The following CAP2 variants were observed in gnomAD, a reference collection of about 807,000 sequenced individuals.
The protein encoded by CAP2 is cyclase associated actin cytoskeleton regulatory protein 2, also known as adenylyl cyclase-associated protein 2.
A neutral mutation model predicts 57.7 loss-of-function variants in CAP2; 24 were observed. That is an observed-to-expected ratio of 0.42 (90% CI 0.30 to 0.58). The LOEUF (loss-of-function observed/expected upper bound fraction) is 0.58, where lower values mean the gene tolerates loss of function less well. CAP2 is among the 20% of genes least tolerant of loss of function. The probability of loss-of-function intolerance (pLI) is 0.22; values close to 1 mark genes in which losing one functional copy is unlikely to be tolerated. For missense variants in CAP2, 501 were observed against 590.3 expected (o/e 0.85, Z 1.57); for synonymous variants, 194 against 207.2 (o/e 0.94, Z 0.55).
chr6:17,407,236 G>A (rs890859144), intron 1 of CAP2, among the ~76,000 whole-genome samples: 3 of 152,032 alleles, frequency 2.0e-5, no homozygotes, highest in African/African-American at 4.8e-5. Context: ...TGGGCTCCCA[G>A]GTTCAAAGAG....
chr6:17,504,385 T>A (rs1453464063), intron 4 of CAP2, among the ~76,000 whole-genome samples: 1 of 152,212 alleles, frequency 6.6e-6, no homozygotes, highest in Admixed American at 6.5e-5. Flanking sequence ...GGAGCAAGGA[T>A]TTGAACCCAA....
intron 7 of CAP2, among the ~76,000 whole-genome samples, chr6:17,532,853 C>T (rs1213958442): frequency 2.0e-5 from 3 of 151,616 alleles, no homozygotes; most frequent in African/African-American, 7.3e-5. Flanking sequence ...CACCTGAGGT[C>T]GGGAGTTCAA....
chr6:17,529,330 G>A (rs1338126972), intron 7 of CAP2, among the ~76,000 whole-genome samples: 1 of 151,974 alleles, frequency 6.6e-6, no homozygotes. Flanking sequence ...AAAGAAATTA[G>A]TTTTGACATT....
At chr6:17,545,120 G>C in intron 11 of CAP2, among the ~76,000 whole-genome samples, 1 of 152,184 alleles carries the variant, frequency 6.6e-6, no homozygotes, top group East Asian at 1.9e-4. Flanking sequence ...CAGCAGTGAA[G>C]TAATATTTGA....
chr6:17,407,143 C>A (rs1759000062), intron 1 of CAP2, among the ~76,000 whole-genome samples: 2 of 152,304 alleles, frequency 1.3e-5, no homozygotes, highest in East Asian at 3.9e-4. Flanking sequence ...GAAGCTTTCT[C>A]TTGTTTCCTT....
At chr6:17,395,755 A>G (rs1426592301) in intron 1 of CAP2, among the ~76,000 whole-genome samples, 1 of 152,196 alleles carries the variant, frequency 6.6e-6, no homozygotes, top group Non-Finnish European at 1.5e-5. Context: ...ATATGTAAAA[A>G]TAATACGCTA....
chr6:17,394,920 T>C (rs1245924125), intron 1 of CAP2, among the ~76,000 whole-genome samples: 1 of 152,196 alleles, frequency 6.6e-6, no homozygotes, highest in Non-Finnish European at 1.5e-5. Flanking sequence ...GTGTGTGAAA[T>C]AGTTAATTCA....
intron 4 of CAP2, among the ~76,000 whole-genome samples, chr6:17,500,368 T>TATATATATATATTTGGAG (rs1554127289): frequency 6.6e-5 from 7 of 105,340 alleles, no homozygotes; most frequent in African/African-American, 2.0e-4. Flanking sequence ...TATATATATA[T>TATATATATATATTTGGAG]ATATATATAT....
chr6:17,416,561 C>G (rs1204736433), intron 1 of CAP2, among the ~76,000 whole-genome samples: 1 of 152,052 alleles, frequency 6.6e-6, no homozygotes, highest in Non-Finnish European at 1.5e-5. Flanking sequence ...GAGGACTGGG[C>G]AAGCAAAAAG....
At chr6:17,503,622 A>G (rs990395753) in intron 4 of CAP2, among the ~76,000 whole-genome samples, 1 of 151,732 alleles carries the variant, frequency 6.6e-6, no homozygotes, top group Admixed American at 6.6e-5. Flanking sequence ...AAAAAAAAAA[A>G]AAAGACACCA....
intron 3 of CAP2, among the ~76,000 whole-genome samples, chr6:17,433,354 C>T (rs990002718): frequency 2.6e-5 from 4 of 152,348 alleles, no homozygotes; most frequent in African/African-American, 7.2e-5. Context: ...CTGTAGGCCT[C>T]CACGTTTCTG....
At chr6:17,460,102 A>C (rs1192251236) in intron 3 of CAP2, among the ~76,000 whole-genome samples, 1 of 152,222 alleles carries the variant, frequency 6.6e-6, no homozygotes, top group Non-Finnish European at 1.5e-5. Context: ...AGAATAAGTC[A>C]ATTTCCTACA....
intron 7 of CAP2, among the ~76,000 whole-genome samples, chr6:17,536,693 T>C (rs1454789670): frequency 6.6e-6 from 1 of 152,186 alleles, no homozygotes; most frequent in Non-Finnish European, 1.5e-5. Flanking sequence ...GCCAGCATCA[T>C]CTTCCCTTTA....
At chr6:17,546,907 G>A (rs1212200463) in intron 11 of CAP2, among the ~76,000 whole-genome samples, 1 of 152,200 alleles carries the variant, frequency 6.6e-6, no homozygotes, top group Non-Finnish European at 1.5e-5. Context: ...GTTTGCAGAT[G>A]ACATGATTGT....
At position 17,439,812 on chromosome 6, in the gene CAP2, C is replaced by T. The variant is rs181338117; in HGVS notation, c.222+13122C>T. ...GATGGGGAGTGGCTATAAATATAGA[C>T]GAAGCTCCAGTCACTTGCTTGCTGG... On this transcript the variant is annotated intron_variant, in intron 3 of 12. Coordinates refer to ENST00000229922, the MANE Select transcript of CAP2 (RefSeq NM_006366.3). Among the ~76,000 whole-genome samples the T allele has an allele frequency of 2.5e-3, 375 of 151,534 alleles. 3 individuals carry two copies. The highest frequency in any genetic ancestry group is 0.021 in the South Asian group (103 of 4,818).
chr6:17,532,892 T>C (rs1762680764), intron 7 of CAP2, among the ~76,000 whole-genome samples: 1 of 151,158 alleles, frequency 6.6e-6, no homozygotes, highest in South Asian at 2.1e-4. Context: ...GGAGAAACCC[T>C]GTCTCTACTA....
At chr6:17,531,260 C>G in intron 7 of CAP2, 1 of 815,980 alleles carries the variant, frequency 1.2e-6, no homozygotes, top group Non-Finnish European at 2.2e-6. Flanking sequence ...TAACTGAAGC[C>G]TTGTTGAGCT....
chr6:17,406,188 T>A (rs1346580559), intron 1 of CAP2, among the ~76,000 whole-genome samples: 2 of 152,056 alleles, frequency 1.3e-5, no homozygotes, highest in Non-Finnish European at 2.9e-5. Context: ...GCCACACACC[T>A]CTACCCCAAG....
chr6:17,462,939 TG>T, intron 3 of CAP2, 56 bp from the exon 4 acceptor site: 1 of 1,364,008 alleles, frequency 7.3e-7, no homozygotes, highest in Non-Finnish European at 1.1e-6. Context: ...CCAGATTATA[TG>T]GTAACAATTT....
Sources: allele counts gnomAD v4.1 joint callset (sites outside exome capture counted in the v4.1 genomes callset), GRCh38; gene constraint gnomAD v4.1.1; transcripts MANE v1.5; gene names NCBI Gene and HGNC (gene_info 2026-07-23, HGNC 2026-07-21).